The following MTUS2 variants were observed in gnomAD, a reference collection of about 807,000 sequenced individuals.
MTUS2 encodes microtubule associated scaffold protein 2.
In MTUS2, 40 loss-of-function variants were observed where a neutral mutation model predicts 114.1. The ratio of observed to expected loss-of-function variants is 0.35; its 90% CI spans 0.27 to 0.46. MTUS2 has a LOEUF of 0.46. MTUS2 is among the 20% of genes least tolerant of loss of function. The pLI, the probability that MTUS2 is intolerant of heterozygous loss-of-function variation, is 1.00. For synonymous variants in MTUS2, 688 were observed against 672.0 expected (o/e 1.02, Z -0.37); for missense variants, 1,679 against 1,705.4 (o/e 0.98, Z 0.27).
At chr13:29,433,257 A>T (rs1372252311) in intron 8 of MTUS2, among the ~76,000 whole-genome samples, 2 of 152,230 alleles carry the variant, frequency 1.3e-5, no homozygotes, top group Non-Finnish European at 2.9e-5. Context: ...AAAGGCTGAA[A>T]TTATGCATTT....
rs776457566 is a variant in MTUS2, at chr13:29,196,317, C to T, written c.2645-85387C>T. On this transcript the variant is annotated intron_variant, in intron 5 of 15. Coordinates refer to ENST00000612955, the MANE Select transcript of MTUS2 (RefSeq NM_001033602.4). ...TTCACCACGTTGACCAGGCTGGTCT[C>T]GAACTCCTGACCTCAGGGATCTGCC... Among the ~76,000 whole-genome samples, 5 of 151,948 alleles carry T rather than the reference C, an allele frequency of 3.3e-5. No individual in the cohort carries two copies. In the South Asian group the frequency reaches 6.2e-4, roughly 19 times the overall value.
intron 5 of MTUS2, among the ~76,000 whole-genome samples, chr13:29,264,535 C>T (rs1473201522): frequency 2.0e-5 from 3 of 152,388 alleles, no homozygotes; most frequent in Admixed American, 2.0e-4. Context: ...GGGCTCTGCC[C>T]TTGCAGCAGG....
intron 5 of MTUS2, among the ~76,000 whole-genome samples, chr13:29,137,173 C>T (rs1892014202): frequency 6.6e-6 from 1 of 152,244 alleles, no homozygotes; most frequent in African/African-American, 2.4e-5. Context: ...TTGACTATAT[C>T]AACCCACTGC....
Position 29,095,899 on chromosome 13 carries a change from G to A in MTUS2, c.2447-4874G>A, listed in dbSNP as rs1302873517. 4.0e-5 allele frequency among the ~76,000 whole-genome samples: 6 copies of A among 151,884 alleles called. No individual in the cohort carries two copies. In the East Asian group the frequency reaches 1.2e-3, roughly 29 times the overall value. The stretch of plus-strand genomic sequence containing the variant: ...TAGCTCCTTTACTTCTTTAAGCATA[G>A]TTTCCTTAGTTATTTTATTATATTT... On this transcript the variant is annotated intron_variant, in intron 4 of 15. Transcript: ENST00000612955.
Position 29,337,388 on chromosome 13 carries a change from G to T in MTUS2, c.2905+12677G>T, listed in dbSNP as rs114275942. On this transcript the variant is annotated intron_variant, in intron 7 of 15. Transcript: ENST00000612955. Reference sequence around the variant, plus strand: ...GGTACAGTCCCTCATGGCTTCTGTTGGCTAGGGGAGGGAGTTCTTAGACCC... The same window carrying T: ...GGTACAGTCCCTCATGGCTTCTGTTTGCTAGGGGAGGGAGTTCTTAGACCC... Among the ~76,000 whole-genome samples, 706 of 152,068 alleles carry T rather than the reference G, an allele frequency of 4.6e-3. 6 individuals are homozygous for T. Among genetic ancestry groups the T allele is most frequent in the African/African-American group, 0.016 (660 of 41,494 alleles).
intron 2 of MTUS2, among the ~76,000 whole-genome samples, chr13:28,956,599 A>G (rs1452617312): frequency 6.6e-6 from 1 of 152,216 alleles, no homozygotes; most frequent in East Asian, 1.9e-4. Context: ...AAGACCATAC[A>G]TAATAAAGAC....
chr13:29,342,732 G>T (rs1224112302), intron 7 of MTUS2, among the ~76,000 whole-genome samples: 1 of 152,218 alleles, frequency 6.6e-6, no homozygotes, highest in African/African-American at 2.4e-5. Context: ...TCCTTGACTT[G>T]TTCCAGTTCT....
At chr13:28,985,560 C>CTT (rs34218047) in intron 2 of MTUS2, among the ~76,000 whole-genome samples, 3 of 142,382 alleles carry the variant, frequency 2.1e-5, no homozygotes, top group South Asian at 4.5e-4. Flanking sequence ...AAATGGTATT[C>CTT]TTTTTTTTTT....
intron 5 of MTUS2, among the ~76,000 whole-genome samples, chr13:29,154,529 A>G (rs994839307): frequency 6.6e-6 from 1 of 152,208 alleles, no homozygotes; most frequent in Non-Finnish European, 1.5e-5. Flanking sequence ...TTCATAAATA[A>G]TAGACTTTTG....
rs181003890 is a variant in MTUS2 at position 29,016,335 on chromosome 13, T to C, written c.-242-8122T>C. Among the ~76,000 whole-genome samples, 334 of 151,852 alleles carry C rather than the reference T, an allele frequency of 2.2e-3. 1 individual carries two copies. The highest frequency in any genetic ancestry group is 7.8e-3 in the African/African-American group (322 of 41,440). On this transcript the variant is annotated intron_variant, in intron 2 of 15. Coordinates refer to ENST00000612955, the MANE Select transcript of MTUS2 (RefSeq NM_001033602.4). ...AATGCTCTTTATTTTCTGGGTGGAA[T>C]TCTCCCCTGGAAAGGACTTTTTTTT...
Position 29,281,419 on chromosome 13 carries a change from CTGTGTGTGTGTGTGTGTG to C in MTUS2, c.2645-272_2645-255del, listed in dbSNP as rs10682778. 3.3e-3 allele frequency among the ~76,000 whole-genome samples: 484 copies of C among 146,638 alleles called. 3 individuals carry two copies. The highest frequency in any genetic ancestry group is 0.012 in the African/African-American group (468 of 39,934). On this transcript the variant is annotated intron_variant, in intron 5 of 15. Coordinates refer to ENST00000612955, the MANE Select transcript of MTUS2 (RefSeq NM_001033602.4). Reference sequence around the variant, plus strand: ...TGTGTGTGCATGTATGTATGTATGTCTGTGTGTGTGTGTGTGTGTGTGTGTGTGTGCATGCAGGCTGCT... The same window carrying C: ...TGTGTGTGCATGTATGTATGTATGTCTGTGTGTGTGTGCATGCAGGCTGCT...
chr13:29,158,912 C>T (rs925462606), intron 5 of MTUS2, among the ~76,000 whole-genome samples: 1 of 152,170 alleles, frequency 6.6e-6, no homozygotes, highest in African/African-American at 2.4e-5. Context: ...CAGCGGGAGA[C>T]TGGCATAAAC....
chr13:29,381,107 G>C (rs1872169842), intron 8 of MTUS2, among the ~76,000 whole-genome samples: 1 of 152,110 alleles, frequency 6.6e-6, no homozygotes. Flanking sequence ...AAGCTGCCTA[G>C]GATCCTTTCT....
intron 5 of MTUS2, among the ~76,000 whole-genome samples, chr13:29,207,353 A>G (rs73447291): frequency 0.025 from 3,737 of 152,290 alleles, 152 homozygotes; most frequent in African/African-American, 0.085. Flanking sequence ...TAGGTATACC[A>G]TTATATCATT....
intron 8 of MTUS2, among the ~76,000 whole-genome samples, chr13:29,405,602 G>GC (rs1410256484): frequency 6.6e-6 from 1 of 152,172 alleles, no homozygotes; most frequent in East Asian, 1.9e-4. Context: ...GTCGCCCACT[G>GC]CACGTTTGCC....
chr13:29,340,171 G>A (rs1901320348), intron 7 of MTUS2, among the ~76,000 whole-genome samples: 1 of 152,170 alleles, frequency 6.6e-6, no homozygotes, highest in African/African-American at 2.4e-5. Flanking sequence ...AGCGGGGGAG[G>A]GCAGCACCCA....
At chr13:29,165,636 A>G (rs927436785) in intron 5 of MTUS2, among the ~76,000 whole-genome samples, 3 of 152,230 alleles carry the variant, frequency 2.0e-5, no homozygotes, top group African/African-American at 7.2e-5. Flanking sequence ...GTGTTTTCAA[A>G]TAAGGGTTTT....
intron 2 of MTUS2, among the ~76,000 whole-genome samples, chr13:28,935,021 T>TTG (rs1555275345): frequency 1.4e-5 from 2 of 146,630 alleles, no homozygotes; most frequent in African/African-American, 5.2e-5. Context: ...TTTTTTTTTT[T>TTG]TTTTTTTTTT....
chr13:28,858,743 G>A (rs375323237), intron 2 of MTUS2, among the ~76,000 whole-genome samples: 2 of 152,210 alleles, frequency 1.3e-5, no homozygotes, highest in Non-Finnish European at 2.9e-5. Flanking sequence ...GGGACAGGGA[G>A]TAGGGTGTAT....
Sources: allele counts gnomAD v4.1 joint callset (sites outside exome capture counted in the v4.1 genomes callset), GRCh38; gene constraint gnomAD v4.1.1; transcripts MANE v1.5; gene names NCBI Gene and HGNC (gene_info 2026-07-23, HGNC 2026-07-21).